SMKR1: variants seen among roughly 807,000 people sequenced by gnomAD.
The protein encoded by SMKR1 is small lysine-rich protein 1.
In SMKR1, 4 loss-of-function variants were observed where a neutral mutation model predicts 4.0. The ratio of observed to expected loss-of-function variants is 1.00; its 90% CI spans 0.49 to 2.30. SMKR1 has a LOEUF of 2.30. Ranked by LOEUF, SMKR1 falls within the 30% of genes most tolerant of loss-of-function variation. The pLI, the probability that SMKR1 is intolerant of heterozygous loss-of-function variation, is 0.02. For missense variants in SMKR1, 56 were observed against 81.8 expected, an observed-to-expected ratio of 0.68 and a Z score of 1.22; for synonymous variants, 38 against 32.5, an observed-to-expected ratio of 1.17 and a Z score of -0.58.
Position 129,512,499 on chromosome 7 carries a change from G to C in SMKR1, c.*58G>C. 6.9e-7 allele frequency: 1 copy of C among 1,456,048 alleles called. No individual in the cohort carries two copies. Among genetic ancestry groups the C allele is most frequent in the East Asian group, 2.6e-5 (1 of 38,694 alleles). 90.2% of individuals were successfully genotyped at this position (1,456,048 alleles called of 1,614,324 possible). A position where few individuals can be genotyped will look rare whatever the true frequency, so the allele number is the denominator to read the frequency against. On this transcript the variant is annotated 3_prime_UTR_variant, in exon 2 of 2. Coordinates refer to ENST00000462322, the MANE Select transcript of SMKR1 (RefSeq NM_001195243.2). ...ACAGGACCTGGGGAAGAGAAGTCAG[G>C]ATAACACAACTGTTGCCAGCAACAT...
At chr7:129,505,357 G>A (rs1799453844) in intron 1 of SMKR1, among the ~76,000 whole-genome samples, 1 of 152,196 alleles carries the variant, frequency 6.6e-6, no homozygotes, top group Non-Finnish European at 1.5e-5. Context: ...GCCTGGGACA[G>A]TCTCAGTTTA....
At chr7:129,503,346 C>T (rs1233975921) in intron 1 of SMKR1, among the ~76,000 whole-genome samples, 1 of 152,212 alleles carries the variant, frequency 6.6e-6, no homozygotes, top group Non-Finnish European at 1.5e-5. Context: ...GGGCTGTGAC[C>T]TTCCAGCCCC....
intron 1 of SMKR1, among the ~76,000 whole-genome samples, chr7:129,506,825 C>T (rs1046003697): frequency 2.0e-5 from 3 of 150,636 alleles, no homozygotes; most frequent in South Asian, 2.1e-4. Context: ...TCTATCCATT[C>T]GCCTGCTGAT....
At chr7:129,508,928 T>A (rs929590890) in intron 1 of SMKR1, among the ~76,000 whole-genome samples, 22 of 152,370 alleles carry the variant, frequency 1.4e-4, no homozygotes, top group African/African-American at 4.1e-4. Flanking sequence ...CAGACTTTTA[T>A]GTGAATTTTA....
intron 1 of SMKR1, among the ~76,000 whole-genome samples, chr7:129,510,847 C>T (rs541595479): frequency 6.6e-6 from 1 of 151,830 alleles, no homozygotes; most frequent in Non-Finnish European, 1.5e-5. Context: ...CTCGCTCTGT[C>T]CCCCAGGCTG....
chr7:129,511,430 A>G (rs1203827707), intron 1 of SMKR1, among the ~76,000 whole-genome samples: 1 of 152,152 alleles, frequency 6.6e-6, no homozygotes, highest in African/African-American at 2.4e-5. Context: ...TCATCCCTAC[A>G]GATTTCAGTG....
intron 1 of SMKR1, among the ~76,000 whole-genome samples, chr7:129,511,705 A>G (rs1368309570): frequency 6.6e-6 from 1 of 152,162 alleles, no homozygotes; most frequent in African/African-American, 2.4e-5. Flanking sequence ...GTCAGAATTA[A>G]ACTTTGCTCT....
intron 1 of SMKR1, among the ~76,000 whole-genome samples, chr7:129,503,464 T>A (rs933674223): frequency 2.6e-5 from 4 of 152,258 alleles, no homozygotes; most frequent in African/African-American, 9.6e-5. Context: ...GAGCTTTCTC[T>A]GCCATATCTT....
chr7:129,502,619 C>T lies in SMKR1; in HGVS notation c.-206C>T. On this transcript the variant is annotated 5_prime_UTR_variant, in exon 1 of 2. Transcript: ENST00000462322. ...CGCGTCCAGGCGGCTCCGCGGCTGGCTGCCTCCCGAGCCGGCCGCGCTCCT... is the reference window on the plus strand; with the variant it reads ...CGCGTCCAGGCGGCTCCGCGGCTGGTTGCCTCCCGAGCCGGCCGCGCTCCT... The T allele has an allele frequency of 1.5e-6, 1 of 645,634 alleles. No homozygotes were observed. Among genetic ancestry groups the T allele is most frequent in the Non-Finnish European group, 2.4e-6 (1 of 415,588 alleles). The allele number at this position is 645,634 out of a possible 1,614,324, so 40.0% of individuals were successfully genotyped here. A position where few individuals can be genotyped will look rare whatever the true frequency, so the allele number is the denominator to read the frequency against.
chr7:129,503,373 G>A (rs1211844045), intron 1 of SMKR1, among the ~76,000 whole-genome samples: 1 of 152,214 alleles, frequency 6.6e-6, no homozygotes, highest in Non-Finnish European at 1.5e-5. Flanking sequence ...AAGTCCTCAG[G>A]GAGGCATCAT....
chr7:129,503,613 G>C (rs2151026708), intron 1 of SMKR1, among the ~76,000 whole-genome samples: 1 of 152,284 alleles, frequency 6.6e-6, no homozygotes, highest in African/African-American at 2.4e-5. Flanking sequence ...CCTGCCTCCT[G>C]CTTCCCCATC....
At chr7:129,504,350 C>T (rs964323359) in intron 1 of SMKR1, among the ~76,000 whole-genome samples, 5 of 152,166 alleles carry the variant, frequency 3.3e-5, no homozygotes, top group African/African-American at 1.2e-4. Flanking sequence ...TTTGGGTTTC[C>T]GTCTCTTTGT....
chr7:129,502,892 G>A (rs1373796888), intron 1 of SMKR1, 65 bp downstream of exon 1: 36 of 1,530,708 alleles, frequency 2.4e-5, no homozygotes, highest in Non-Finnish European at 3.0e-5. Context: ...AGGCTGTCCC[G>A]GAGAGGCGCG....
chr7:129,502,674 GA>G lies in SMKR1; in HGVS notation c.-150del. The G allele has an allele frequency of 8.5e-7, 1 of 1,173,244 alleles. No homozygotes were observed. Among genetic ancestry groups the G allele is most frequent in the Non-Finnish European group, 1.2e-6 (1 of 854,160 alleles). 72.7% of individuals were successfully genotyped at this position (1,173,244 alleles called of 1,614,324 possible). A position where few individuals can be genotyped will look rare whatever the true frequency, so the allele number is the denominator to read the frequency against. ...GCGAGGCGTGGCGGGGAGGCGTAGTGAGGCTGGGCCCGTGGCGGTTCCCTGA... is the reference window on the plus strand; with the variant it reads ...GCGAGGCGTGGCGGGGAGGCGTAGTGGGCTGGGCCCGTGGCGGTTCCCTGA... On this transcript the variant is annotated 5_prime_UTR_variant, in exon 1 of 2. Transcript: ENST00000462322.
Position 129,502,792 on chromosome 7 carries a change from C to T in SMKR1, c.-33C>T. 3 of 1,535,092 alleles carry T rather than the reference C, an allele frequency of 2.0e-6. No individual in the cohort carries two copies. The highest frequency in any genetic ancestry group is 2.6e-6 in the Non-Finnish European group (3 of 1,146,574). ...CTAAGGGCTTCGGGATCGGGAGAGT[C>T]CACCACGCCTGCCTGCTCGGCTGAG... On this transcript the variant is annotated 5_prime_UTR_variant, in exon 1 of 2. Transcript: ENST00000462322.
At chr7:129,504,765 A>G (rs1023230405) in intron 1 of SMKR1, among the ~76,000 whole-genome samples, 5 of 152,044 alleles carry the variant, frequency 3.3e-5, no homozygotes, top group African/African-American at 1.2e-4. Context: ...TCTTTCCCAG[A>G]CTGGTCTCAA....
chr7:129,509,184 G>C (rs1799500593), intron 1 of SMKR1, among the ~76,000 whole-genome samples: 1 of 152,166 alleles, frequency 6.6e-6, no homozygotes, highest in South Asian at 2.1e-4. Context: ...GTGGTGGCAA[G>C]TGCCTATAAT....
Position 129,502,639 on chromosome 7 carries a change from G to C in SMKR1, c.-186G>C, listed in dbSNP as rs1799422124. ...GCTGGCTGCCTCCCGAGCCGGCCGC[G>C]CTCCTCCCAGCGAGGCGTGGCGGGG... On this transcript the variant is annotated 5_prime_UTR_variant, in exon 1 of 2. Coordinates refer to ENST00000462322, the MANE Select transcript of SMKR1 (RefSeq NM_001195243.2). The C allele has an allele frequency of 4.8e-6, 4 of 829,936 alleles. No homozygotes were observed. Among genetic ancestry groups the C allele is most frequent in the Admixed American group, 3.6e-5 (1 of 28,004 alleles). 51.4% of individuals were successfully genotyped at this position (829,936 alleles called of 1,614,324 possible). A position where few individuals can be genotyped will look rare whatever the true frequency, so the allele number is the denominator to read the frequency against.
intron 1 of SMKR1, among the ~76,000 whole-genome samples, chr7:129,504,010 TAG>T (rs1799439459): frequency 6.6e-6 from 1 of 151,978 alleles, no homozygotes; most frequent in South Asian, 2.1e-4. Context: ...GTATTTTTAG[TAG>T]AGACAGGGTT....
Sources: allele counts gnomAD v4.1 joint callset (sites outside exome capture counted in the v4.1 genomes callset), GRCh38; gene constraint gnomAD v4.1.1; transcripts MANE v1.5; gene names NCBI Gene and HGNC (gene_info 2026-07-23, HGNC 2026-07-21).